PLA2G4E: variants seen among roughly 807,000 people sequenced by gnomAD.
PLA2G4E encodes the protein cytosolic phospholipase A2 epsilon.
A neutral mutation model predicts 109.1 loss-of-function variants in PLA2G4E; 84 were observed. The ratio of observed to expected loss-of-function variants is 0.77; its 90% confidence interval spans 0.65 to 0.92. The LOEUF (loss-of-function observed/expected upper bound fraction) is 0.92. PLA2G4E is among the 40% of genes least tolerant of loss of function. The pLI is 0.00. For missense variants in PLA2G4E, 1,057 were observed against 1,076.6 expected, an observed-to-expected ratio of 0.98 and a Z score of 0.25; for synonymous variants, 469 against 436.1, an observed-to-expected ratio of 1.08 and a Z score of -0.94.
intron 1 of PLA2G4E, among the ~76,000 whole-genome samples, chr15:42,046,277 A>G (rs910892291): frequency 6.6e-6 from 1 of 152,196 alleles, no homozygotes; most frequent in East Asian, 1.9e-4. Flanking sequence ...AAAGCCCTCC[A>G]TGGGCTCCCC....
At chr15:42,040,738 C>T (rs1192085648) in intron 1 of PLA2G4E, among the ~76,000 whole-genome samples, 1 of 152,178 alleles carries the variant, frequency 6.6e-6, no homozygotes, top group African/African-American at 2.4e-5. Flanking sequence ...ATGTGTATGT[C>T]CGCAGTTCCA....
intron 1 of PLA2G4E, among the ~76,000 whole-genome samples, chr15:42,014,774 C>A (rs190516600): frequency 2.6e-5 from 4 of 152,200 alleles, no homozygotes; most frequent in African/African-American, 9.7e-5. Context: ...CACTGTTTCT[C>A]GCAAGAGGTC....
chr15:41,985,143 G>T (rs376800630), intron 18 of PLA2G4E, among the ~76,000 whole-genome samples: 2 of 152,236 alleles, frequency 1.3e-5, no homozygotes, highest in African/African-American at 4.8e-5. Flanking sequence ...TCTGTGTCTT[G>T]GTTTCCTCAT....
rs545589725 is a variant in PLA2G4E at position 42,045,653 on chromosome 15, C to T, written c.183+4868G>A. Among the ~76,000 whole-genome samples, 367 of 152,326 alleles carry T rather than the reference C, an allele frequency of 2.4e-3. 7 individuals are homozygous for T. The highest frequency in any genetic ancestry group is 5.0e-4 in the Non-Finnish European group (34 of 68,024). ...TTGCTTCCAGCCTCACTGCCTGCTG[C>T]TTTGCATCTACTCTGATGGCTCTTC... On this transcript the variant is annotated intron_variant, in intron 1 of 19. Coordinates refer to ENST00000399518, the Ensembl canonical transcript of PLA2G4E.
intron 5 of PLA2G4E, among the ~76,000 whole-genome samples, chr15:42,003,450 G>T (rs1351760744): frequency 6.6e-6 from 1 of 152,128 alleles, no homozygotes; most frequent in Non-Finnish European, 1.5e-5. Context: ...GTAGAGACGG[G>T]GTTTCACCAG....
At chr15:42,018,845 T>C (rs2068621305) in intron 1 of PLA2G4E, among the ~76,000 whole-genome samples, 4 of 152,268 alleles carry the variant, frequency 2.6e-5, no homozygotes, top group South Asian at 2.1e-4. Context: ...AATCTCAGGA[T>C]TGGCTATGAT....
chr15:41,997,956 C>G (rs1052532166), intron 10 of PLA2G4E: 1 of 152,060 alleles, frequency 6.6e-6, no homozygotes, highest in Admixed American at 6.6e-5. Flanking sequence ...GCCTGGCATC[C>G]AAGACCCTGC....
rs187021260 is a variant in PLA2G4E, at chr15:41,986,079, C to T, written c.2036-74G>A. ...CAATGGACAGAGGCACTTGGGGGGA[C>T]GGAGCGCCCTGTCTGGAGCATCCTT... On this transcript the variant is annotated intron_variant, in intron 17 of 19. Coordinates refer to ENST00000399518, the Ensembl canonical transcript of PLA2G4E. The T allele has an allele frequency of 3.2e-3, 4,723 of 1,476,452 alleles. 20 individuals carry two copies. The highest frequency in any genetic ancestry group is 8.4e-3 in the South Asian group (655 of 78,106). 91.5% of individuals were successfully genotyped at this position (1,476,452 alleles called of 1,614,324 possible). A position where few individuals can be genotyped will look rare whatever the true frequency, so the allele number is the denominator to read the frequency against.
chr15:41,984,412 G>C (rs775754708), intron 19 of PLA2G4E, 24 bp downstream of exon 19: 2 of 1,597,458 alleles, frequency 1.3e-6, no homozygotes, highest in Non-Finnish European at 1.7e-6. Context: ...CAGGTGCTGG[G>C]AACTGAGCAC....
chr15:42,016,989 C>A (rs1228761073), intron 1 of PLA2G4E, among the ~76,000 whole-genome samples: 1 of 152,228 alleles, frequency 6.6e-6, no homozygotes, highest in African/African-American at 2.4e-5. Flanking sequence ...CAGCATGCAC[C>A]CTGGGCTGGC....
intron 2 of PLA2G4E, among the ~76,000 whole-genome samples, chr15:42,011,734 T>TAAAATA (rs370765657): frequency 7.9e-5 from 12 of 151,606 alleles, no homozygotes; most frequent in Middle Eastern, 3.4e-3. Context: ...TGTCTCAAAA[T>TAAAATA]AAAATAAAAA....
At chr15:41,986,409 G>A (rs989458805) in intron 17 of PLA2G4E, among the ~76,000 whole-genome samples, 19 of 152,268 alleles carry the variant, frequency 1.2e-4, no homozygotes, top group Non-Finnish European at 2.5e-4. Flanking sequence ...CAGAGGAGGC[G>A]GCACTGAGCT....
At chr15:41,994,512 A>C (rs938852543) in intron 12 of PLA2G4E, among the ~76,000 whole-genome samples, 1 of 152,054 alleles carries the variant, frequency 6.6e-6, no homozygotes, top group Non-Finnish European at 1.5e-5. Flanking sequence ...GGCCCCACAA[A>C]AAATGTTTAT....
At chr15:42,036,042 G>C (rs1889207020) in intron 1 of PLA2G4E, among the ~76,000 whole-genome samples, 1 of 152,066 alleles carries the variant, frequency 6.6e-6, no homozygotes, top group African/African-American at 2.4e-5. Flanking sequence ...ACCTATATTG[G>C]TTAACAATAG....
chr15:42,047,362 T>A (rs902243891), intron 1 of PLA2G4E, among the ~76,000 whole-genome samples: 3 of 152,050 alleles, frequency 2.0e-5, no homozygotes, highest in African/African-American at 7.3e-5. Context: ...GCTGTGTCAT[T>A]CCATGGTGGA....
intron 1 of PLA2G4E, among the ~76,000 whole-genome samples, chr15:42,028,154 C>T (rs1413118473): frequency 1.3e-5 from 2 of 152,182 alleles, no homozygotes; most frequent in Non-Finnish European, 1.5e-5. Context: ...GTAGCAGGGA[C>T]TGGTCTAAGT....
chr15:41,983,009 G>C (rs1289174014), exon 20 of PLA2G4E: 1 of 152,250 alleles, frequency 6.6e-6, no homozygotes, highest in Non-Finnish European at 1.5e-5. Flanking sequence ...GACTAGGGCC[G>C]GGTGCGTTGG....
intron 7 of PLA2G4E, among the ~76,000 whole-genome samples, chr15:42,000,716 G>T (rs1205356153): frequency 6.6e-6 from 1 of 152,194 alleles, no homozygotes; most frequent in Admixed American, 6.5e-5. Flanking sequence ...TAGGGTAGGG[G>T]TATGGTATTC....
chr15:42,048,238 G>A (rs1174960820), intron 1 of PLA2G4E, among the ~76,000 whole-genome samples: 3 of 152,178 alleles, frequency 2.0e-5, no homozygotes, highest in Non-Finnish European at 4.4e-5. Flanking sequence ...ATATAACCTA[G>A]GTGTGTAGTG....
Sources: allele counts gnomAD v4.1 joint callset (sites outside exome capture counted in the v4.1 genomes callset), GRCh38; gene constraint gnomAD v4.1.1; transcripts MANE v1.5; gene names NCBI Gene and HGNC (gene_info 2026-07-23, HGNC 2026-07-21).